Variants in CHRM2 observed in about 807,000 individuals in gnomAD.
CHRM2 encodes muscarinic acetylcholine receptor M2.
A neutral mutation model predicts 25.0 loss-of-function variants in CHRM2; 8 were observed. That is an observed-to-expected ratio of 0.32 (90% CI 0.19 to 0.58). The LOEUF (loss-of-function observed/expected upper bound fraction) is 0.58, where lower values mean the gene tolerates loss of function less well. CHRM2 is among the 20% of genes least tolerant of loss of function. The pLI is 0.88. For missense variants in CHRM2, 440 were observed against 567.1 expected (o/e 0.78, Z 2.28); for synonymous variants, 202 against 205.7 (o/e 0.98, Z 0.15).
At chr7:136,884,294 A>C (rs1796375120) in intron 2 of CHRM2, among the ~76,000 whole-genome samples, 1 of 152,148 alleles carries the variant, frequency 6.6e-6, no homozygotes, top group Non-Finnish European at 1.5e-5. Flanking sequence ...TTGAGTGCCA[A>C]ATTTGCAAAA....
intron 2 of CHRM2, among the ~76,000 whole-genome samples, chr7:136,889,584 C>G (rs921738172): frequency 1.3e-5 from 2 of 152,194 alleles, no homozygotes; most frequent in African/African-American, 4.8e-5. Flanking sequence ...TAACCCAATC[C>G]TGAGGTTTCT....
intron 2 of CHRM2, among the ~76,000 whole-genome samples, chr7:136,967,747 T>C (rs568253442): frequency 6.6e-6 from 1 of 152,202 alleles, no homozygotes; most frequent in Non-Finnish European, 1.5e-5. Flanking sequence ...TACCTTTCTG[T>C]GACTTTGCAC....
intron 2 of CHRM2, among the ~76,000 whole-genome samples, chr7:136,981,216 T>C (rs1027450106): frequency 2.0e-5 from 3 of 152,218 alleles, no homozygotes; most frequent in African/African-American, 4.8e-5. Context: ...CTAGATTTTT[T>C]AATTTATTTG....
intron 3 of CHRM2, among the ~76,000 whole-genome samples, chr7:136,997,607 CA>C (rs963891597): frequency 1.3e-5 from 2 of 152,150 alleles, no homozygotes; most frequent in African/African-American, 2.4e-5. Flanking sequence ...CTTTGAGACT[CA>C]ATGCACCTGT....
intron 2 of CHRM2, among the ~76,000 whole-genome samples, chr7:136,955,467 TG>T (rs1374038498): frequency 1.3e-5 from 2 of 152,208 alleles, no homozygotes; most frequent in African/African-American, 4.8e-5. Flanking sequence ...TAGAATAAGA[TG>T]GGATACATTC....
chr7:136,937,531 A>T (rs1403698633), intron 2 of CHRM2, among the ~76,000 whole-genome samples: 2 of 152,320 alleles, frequency 1.3e-5, no homozygotes. Flanking sequence ...GACTGTAATC[A>T]CATTAGAATC....
chr7:136,929,272 C>CT (rs71176354), intron 2 of CHRM2, among the ~76,000 whole-genome samples: 27,069 of 144,494 alleles, frequency 0.19, 3,723 homozygotes, highest in African/African-American at 0.4. Flanking sequence ...TCTTTTCTTT[C>CT]TTTTTTTTTT....
In CHRM2 at chr7:137,018,478, C is replaced by T; in HGVS notation, c.*2212C>T. On this transcript the variant is annotated 3_prime_UTR_variant, in exon 4 of 4. Transcript: ENST00000680005. ...ACGGAAATAACGTCAAGCCAGTGGG[C>T]TCCTCGAGTTTCTGAAAACCAGAGA... is the stretch of plus-strand genomic sequence containing the variant. 1 of 151,886 alleles carries T rather than the reference C, an allele frequency of 6.6e-6. No individual in the cohort carries two copies. Among genetic ancestry groups the T allele is most frequent in the East Asian group, 1.9e-4 (1 of 5,148 alleles). The allele number at this position is 151,886 out of a possible 1,614,324, so 9.4% of individuals were successfully genotyped here. A position where few individuals can be genotyped will look rare whatever the true frequency, so the allele number is the denominator to read the frequency against.
chr7:136,982,580 C>T (rs1001031649), intron 2 of CHRM2, among the ~76,000 whole-genome samples: 4 of 152,018 alleles, frequency 2.6e-5, no homozygotes, highest in Non-Finnish European at 2.9e-5. Flanking sequence ...TGGCTGGTAC[C>T]GGTTTTTCCT....
intron 2 of CHRM2, chr7:136,938,198 A>C (rs186254611): frequency 1.3e-6 from 1 of 753,136 alleles, no homozygotes; most frequent in Non-Finnish European, 2.4e-6. Flanking sequence ...ATCGCACAGC[A>C]GGTTACTTCT....
chr7:136,932,845 C>T (rs1563074486), intron 2 of CHRM2, among the ~76,000 whole-genome samples: 2 of 152,092 alleles, frequency 1.3e-5, no homozygotes, highest in Non-Finnish European at 2.9e-5. Flanking sequence ...ACCTGGCCAA[C>T]ATGGCGAAAC....
chr7:136,874,563 C>G (rs1295213738), intron 2 of CHRM2, among the ~76,000 whole-genome samples: 115 of 129,886 alleles, frequency 8.9e-4, no homozygotes, highest in Non-Finnish European at 1.0e-3. Context: ...CTCCCTCTCT[C>G]TCTGCCCCCC....
At chr7:136,894,750 A>T (rs1450122555) in intron 2 of CHRM2, among the ~76,000 whole-genome samples, 1 of 152,248 alleles carries the variant, frequency 6.6e-6, no homozygotes, top group Admixed American at 6.5e-5. Context: ...TTTTAAAAAT[A>T]TAAATAATAT....
chr7:137,003,341 C>T (rs1402807644), intron 3 of CHRM2, among the ~76,000 whole-genome samples: 8 of 152,124 alleles, frequency 5.3e-5, no homozygotes, highest in Admixed American at 1.3e-4. Context: ...TGTCACATTC[C>T]ACTGATGCTT....
At chr7:136,928,098 A>G (rs1373699863) in intron 2 of CHRM2, among the ~76,000 whole-genome samples, 3 of 152,218 alleles carry the variant, frequency 2.0e-5, no homozygotes, top group African/African-American at 7.2e-5. Context: ...GGGACATTAA[A>G]TGTATAAGAA....
In CHRM2 at chr7:136,969,325, C is replaced by G. The variant is rs530855850; in HGVS notation, c.-124-22862C>G. 1.4e-3 allele frequency among the ~76,000 whole-genome samples: 206 copies of G among 152,264 alleles called. 1 individual carries two copies. Among genetic ancestry groups the G allele is most frequent in the African/African-American group, 4.6e-3 (193 of 41,560 alleles). On this transcript the variant is annotated intron_variant, in intron 2 of 3. Transcript: ENST00000680005. Reference sequence around the variant, plus strand: ...TTTCTTTGGGTTCCATATATTCTATCTGGCATTAGATTAAAGTTTGCTCTT... The same window carrying G: ...TTTCTTTGGGTTCCATATATTCTATGTGGCATTAGATTAAAGTTTGCTCTT...
intron 2 of CHRM2, among the ~76,000 whole-genome samples, chr7:136,929,945 A>T (rs1798963218): frequency 2.0e-5 from 3 of 152,112 alleles, no homozygotes; most frequent in Non-Finnish European, 4.4e-5. Context: ...AATAATAACC[A>T]AATGAAATGA....
intron 3 of CHRM2, among the ~76,000 whole-genome samples, chr7:136,999,762 A>G (rs1036319811): frequency 3.3e-5 from 5 of 152,158 alleles, no homozygotes; most frequent in Non-Finnish European, 7.4e-5. Flanking sequence ...TCTGTTCCCA[A>G]CTGCTTCCCG....
At chr7:136,949,096 GGATA>G (rs1800237136) in intron 2 of CHRM2, among the ~76,000 whole-genome samples, 1 of 152,112 alleles carries the variant, frequency 6.6e-6, no homozygotes, top group Non-Finnish European at 1.5e-5. Context: ...CGGTGTCCTT[GGATA>G]GATGGCCTTT....
Sources: allele counts gnomAD v4.1 joint callset (sites outside exome capture counted in the v4.1 genomes callset), GRCh38; gene constraint gnomAD v4.1.1; transcripts MANE v1.5; gene names NCBI Gene and HGNC (gene_info 2026-07-23, HGNC 2026-07-21).